Variants in MXD1 observed in about 807,000 individuals in gnomAD.
The protein encoded by MXD1 is MAX dimerization protein 1, also known as MAX-binding protein.
A neutral mutation model predicts 25.7 loss-of-function variants in MXD1; 9 were observed. The observed-to-expected ratio is 0.35, with a 90% CI of 0.21 to 0.61. MXD1 has a LOEUF of 0.61. Among genes scored for constraint, MXD1 ranks in the 20% least tolerant of loss-of-function variants. The pLI is 0.75. For synonymous variants in MXD1, 99 were observed against 113.9 expected, an observed-to-expected ratio of 0.87 and a Z score of 0.83; for missense variants, 227 against 292.4, an observed-to-expected ratio of 0.78 and a Z score of 1.63.
At chr2:69,925,823 G>T (rs1307963015) in intron 3 of MXD1, among the ~76,000 whole-genome samples, 1 of 152,070 alleles carries the variant, frequency 6.6e-6, no homozygotes, top group East Asian at 1.9e-4. Flanking sequence ...TGGAATTGGT[G>T]GTGAACACGT....
At chr2:69,936,522 T>C (rs187906018) in intron 4 of MXD1, among the ~76,000 whole-genome samples, 64 of 152,284 alleles carry the variant, frequency 4.2e-4, no homozygotes, top group African/African-American at 1.5e-3. Flanking sequence ...GTTGGACAAA[T>C]GTTACTTTAA....
intron 3 of MXD1, among the ~76,000 whole-genome samples, chr2:69,930,938 C>T (rs1037374149): frequency 6.6e-6 from 1 of 152,222 alleles, no homozygotes; most frequent in Non-Finnish European, 1.5e-5. Context: ...GATGAGGAAA[C>T]TGAGGCTACA....
rs1677606590 is a variant in MXD1 at position 69,941,792 on chromosome 2, G to C, written c.*3508G>C. 1 of 152,012 alleles carries C rather than the reference G, an allele frequency of 6.6e-6. No individual in the cohort carries two copies. Among genetic ancestry groups the C allele is most frequent in the South Asian group, 2.1e-4 (1 of 4,820 alleles). The allele number at this position is 152,012 out of a possible 1,614,324, so 9.4% of individuals were successfully genotyped here. A position where few individuals can be genotyped will look rare whatever the true frequency, so the allele number is the denominator to read the frequency against. On this transcript the variant is annotated 3_prime_UTR_variant, in exon 6 of 6. Coordinates refer to ENST00000264444, the MANE Select transcript of MXD1 (RefSeq NM_002357.4). ...ATCTTGGAGCTTGAGAATAGATTTT[G>C]TGGGCTTATTTCTTCTTGCCTCTTC...
At chr2:69,937,434 C>T (rs1385418456) in intron 5 of MXD1, 40 bp downstream of exon 5, 3 of 1,518,326 alleles carry the variant, frequency 2.0e-6, no homozygotes, top group Admixed American at 2.0e-5. Flanking sequence ...CCCTTGTGCT[C>T]CCCAACCCCA....
At chr2:69,937,945 C>T (rs1369277313) in intron 5 of MXD1, 152 bp from the exon 6 acceptor site, 3 of 676,108 alleles carry the variant, frequency 4.4e-6, no homozygotes, top group Non-Finnish European at 2.5e-6. Context: ...CAGGGTTTCA[C>T]TGTGTTGGCC....
chr2:69,936,427 A>T (rs1394417503), intron 4 of MXD1, among the ~76,000 whole-genome samples: 1 of 152,168 alleles, frequency 6.6e-6, no homozygotes, highest in Admixed American at 6.5e-5. Flanking sequence ...CTACCTGAAT[A>T]GCAAAGGGTA....
At chr2:69,925,047 T>C (rs1346438081) in intron 3 of MXD1, among the ~76,000 whole-genome samples, 1 of 152,226 alleles carries the variant, frequency 6.6e-6, no homozygotes, top group Non-Finnish European at 1.5e-5. Flanking sequence ...CTCAACAGAA[T>C]AGGTGTTGAG....
chr2:69,915,263 G>T lies in MXD1; in HGVS notation c.-68G>T. ...CGGGCTCCATAGCGGGCTCCACAGC[G>T]GTCCGGCGGCGGCAGCGAGCCCGTG... On this transcript the variant is annotated 5_prime_UTR_variant, in exon 1 of 6. Transcript: ENST00000264444. This position sits in a 1 kb window ranked among gnomAD's most constrained non-coding sequence, Gnocchi z 5.8. 20 of 1,270,138 alleles carry T rather than the reference G, an allele frequency of 1.6e-5. No homozygotes were observed. The highest frequency in any genetic ancestry group is 2.0e-5 in the Non-Finnish European group (20 of 992,542). The allele number at this position is 1,270,138 out of a possible 1,614,324, so 78.7% of individuals were successfully genotyped here. A position where few individuals can be genotyped will look rare whatever the true frequency, so the allele number is the denominator to read the frequency against.
intron 2 of MXD1, among the ~76,000 whole-genome samples, chr2:69,919,497 A>T (rs1053797762): frequency 2.0e-5 from 3 of 151,936 alleles, no homozygotes; most frequent in Admixed American, 2.0e-4. Flanking sequence ...GGCGTATGTG[A>T]CCATGCCTGG....
At chr2:69,918,991 T>G (rs1677010316) in intron 2 of MXD1, among the ~76,000 whole-genome samples, 1 of 152,180 alleles carries the variant, frequency 6.6e-6, no homozygotes, top group African/African-American at 2.4e-5. Context: ...AGCCATTAAG[T>G]ACAAGTCCCC....
rs374721266 is a variant in MXD1, at chr2:69,919,561, T to C, written c.174-2175T>C. Among the ~76,000 whole-genome samples the C allele has an allele frequency of 1.6e-4, 24 of 152,178 alleles. No homozygotes were observed. In the East Asian group the frequency reaches 3.9e-3, roughly 24 times the overall value. Reference sequence around the variant, plus strand: ...GGTTTCGCCAGGTTAGCCAGGCTGGTCTCGAACTCCTGACCTCAAGTGATC... The same window carrying C: ...GGTTTCGCCAGGTTAGCCAGGCTGGCCTCGAACTCCTGACCTCAAGTGATC... On this transcript the variant is annotated intron_variant, in intron 2 of 5. Transcript: ENST00000264444.
At chr2:69,928,193 T>C (rs772832223) in intron 3 of MXD1, among the ~76,000 whole-genome samples, 3 of 152,230 alleles carry the variant, frequency 2.0e-5, no homozygotes, top group Non-Finnish European at 4.4e-5. Context: ...ACTCCAATTA[T>C]CTTATAGGAT....
chr2:69,938,398 AC>A lies in MXD1; in HGVS notation c.*116del. The A allele has an allele frequency of 9.2e-7, 1 of 1,090,412 alleles. No individual in the cohort carries two copies. Among genetic ancestry groups the A allele is most frequent in the Non-Finnish European group, 1.3e-6 (1 of 752,784 alleles). The allele number at this position is 1,090,412 out of a possible 1,614,324, so 67.5% of individuals were successfully genotyped here. On this transcript the variant is annotated 3_prime_UTR_variant, in exon 6 of 6. Coordinates refer to ENST00000264444, the MANE Select transcript of MXD1 (RefSeq NM_002357.4). Reference sequence around the variant, plus strand: ...ACGTAAACTTCAGTGTCCCACCTTGACCAAAATCAGCTTTGTAACTGTTTTC... The same window carrying A: ...ACGTAAACTTCAGTGTCCCACCTTGACAAAATCAGCTTTGTAACTGTTTTC...
intron 2 of MXD1, among the ~76,000 whole-genome samples, chr2:69,918,967 T>C (rs1295267139): frequency 1.3e-5 from 2 of 152,210 alleles, no homozygotes; most frequent in African/African-American, 4.8e-5. Context: ...CTAGATGCAC[T>C]TCAGTAATGC....
rs1677410506 is a variant in MXD1, at chr2:69,935,544, C to T, written c.318+79C>T. 1.1e-5 allele frequency: 11 copies of T among 969,672 alleles called. No individual in the cohort carries two copies. The South Asian group carries it at 1.2e-4, about 11-fold the overall frequency. The allele number at this position is 969,672 out of a possible 1,614,324, so 60.1% of individuals were successfully genotyped here. A position where few individuals can be genotyped will look rare whatever the true frequency, so the allele number is the denominator to read the frequency against. On this transcript the variant is annotated intron_variant, in intron 4 of 5. Coordinates refer to ENST00000264444, the MANE Select transcript of MXD1 (RefSeq NM_002357.4). ...TCTGTTGTTACATCTCCAGGACAGT[C>T]CTCTCCCCTGAACTCCTCCAGTCTA...
Position 69,937,220 on chromosome 2 carries a change from C to A in MXD1, c.319-15C>A. 6.2e-7 allele frequency: 1 copy of A among 1,611,974 alleles called. No homozygotes were observed. The highest frequency in any genetic ancestry group is 1.7e-5 in the Admixed American group (1 of 59,872). On this transcript the variant is annotated splice_polypyrimidine_tract_variant and intron_variant, in intron 4 of 5. Coordinates refer to ENST00000264444, the MANE Select transcript of MXD1 (RefSeq NM_002357.4). ...TCTCCCTGTGGGGCCCAACAACTAC[C>A]CCTTTGACTTGCAGAAACTTGAAGA...
chr2:69,922,333 C>T (rs575700200), intron 3 of MXD1, among the ~76,000 whole-genome samples: 3 of 152,210 alleles, frequency 2.0e-5, no homozygotes, highest in Non-Finnish European at 4.4e-5. Flanking sequence ...TGGAATCTCT[C>T]TCACCTGGAT....
chr2:69,937,705 C>T (rs1340598076), intron 5 of MXD1, among the ~76,000 whole-genome samples: 1 of 152,160 alleles, frequency 6.6e-6, no homozygotes, highest in African/African-American at 2.4e-5. Context: ...ACCTCCGCCT[C>T]CCGGGTTCAA....
At chr2:69,925,132 A>C (rs1677145831) in intron 3 of MXD1, among the ~76,000 whole-genome samples, 1 of 152,152 alleles carries the variant, frequency 6.6e-6, no homozygotes, top group African/African-American at 2.4e-5. Context: ...GGAGGAGCTC[A>C]GATTAATATC....
Sources: allele counts gnomAD v4.1 joint callset (sites outside exome capture counted in the v4.1 genomes callset), GRCh38; gene constraint gnomAD v4.1.1; non-coding constraint Gnocchi (gnomAD v3.1); transcripts MANE v1.5; gene names NCBI Gene and HGNC (gene_info 2026-07-23, HGNC 2026-07-21).